C17orf78: variants seen among roughly 807,000 people sequenced by gnomAD.
C17orf78 encodes the protein uncharacterized protein C17orf78.
In C17orf78, 27 loss-of-function variants were observed where a neutral mutation model predicts 31.8. The observed-to-expected ratio is 0.85, with a 90% confidence interval of 0.63 to 1.17. The LOEUF is 1.17. C17orf78 is among the 50% of genes most tolerant of loss of function. The probability of loss-of-function intolerance (pLI) is 0.00; values close to 1 mark genes in which losing one functional copy is unlikely to be tolerated. For missense variants in C17orf78, 258 were observed against 315.2 expected (o/e 0.82, Z 1.37); for synonymous variants, 106 against 115.1 (o/e 0.92, Z 0.51).
chr17:37,377,590 G>T (rs1386112847), intron 1 of C17orf78, among the ~76,000 whole-genome samples: 1 of 151,940 alleles, frequency 6.6e-6, no homozygotes, highest in Non-Finnish European at 1.5e-5. Flanking sequence ...AACCCAGGAG[G>T]TGAATGTTGC....
chr17:37,378,465 C>T (rs1377502445), intron 2 of C17orf78, among the ~76,000 whole-genome samples: 4 of 152,220 alleles, frequency 2.6e-5, no homozygotes, highest in Admixed American at 6.5e-5. Context: ...GTAATCCCAG[C>T]ACTTTGGGAG....
chr17:37,382,996 C>A (rs557886965), intron 3 of C17orf78, among the ~76,000 whole-genome samples: 1 of 152,300 alleles, frequency 6.6e-6, no homozygotes, highest in East Asian at 1.9e-4. Context: ...AAGATCACAC[C>A]ACTGCATTCC....
chr17:37,380,175 A>G (rs1396344647), intron 3 of C17orf78, among the ~76,000 whole-genome samples: 4 of 151,496 alleles, frequency 2.6e-5, no homozygotes, highest in Non-Finnish European at 5.9e-5. Context: ...TATCACAAGA[A>G]CAAAAAACCA....
In C17orf78 at chr17:37,389,346, A is replaced by C. The variant is rs1177439368; in HGVS notation, c.734A>C (p.Asp245Ala). The C allele has an allele frequency of 1.9e-6, 3 of 1,587,824 alleles. No homozygotes were observed. Among genetic ancestry groups the C allele is most frequent in the South Asian group, 2.3e-5 (2 of 86,646 alleles). ...QPPGTAESKP[D>A]SQPQKVGQDA... ...CCTGGGACAGCTGAATCCAAGCCTG[A>C]CTCTCAGCCCCAGAAGGAAAGTGTT... Residue 245 changes from aspartate to alanine, a missense_variant, in exon 6 of 7, where the codon GAC becomes GCC. Physicochemically the swap from Asp to Ala is moderately radical, Grantham distance 126 (BLOSUM62 -2). Transcript: ENST00000615133.
chr17:37,388,656 C>T lies in C17orf78; in HGVS notation c.509-14C>T, dbSNP rs765417408. ...TTTTCTTTTCTCCCTCTTCCACTCC[C>T]CTCTCTCCTTTAGACACAGATGAGA... On this transcript the variant is annotated splice_polypyrimidine_tract_variant and intron_variant, in intron 4 of 6. Transcript: ENST00000615133. 1 of 1,610,298 alleles carries T rather than the reference C, an allele frequency of 6.2e-7. No individual in the cohort carries two copies. Among genetic ancestry groups the T allele is most frequent in the Admixed American group, 1.7e-5 (1 of 59,622 alleles).
chr17:37,379,152 C>T lies in C17orf78; in HGVS notation c.161C>T (p.Thr54Ile). 7 of 1,613,294 alleles carry T rather than the reference C, an allele frequency of 4.3e-6. No homozygotes were observed. The highest frequency in any genetic ancestry group is 4.2e-6 in the Non-Finnish European group (5 of 1,179,648). The change falls in exon 3 of 7, where the codon ACC (threonine) becomes ATC (isoleucine). Residue 54 changes from threonine (T) to isoleucine (I), a missense_variant. Physicochemically the swap from Thr to Ile is moderately conservative, Grantham distance 89 (BLOSUM62 -1). Coordinates refer to ENST00000615133, the MANE Select transcript of C17orf78 (RefSeq NM_173625.5). ...ELQMQETHTE[T>I]KRTTFIQNRT... is the part of the protein sequence containing the mutation. Reference sequence around the variant, plus strand: ...CTCCTTCCAGAAACTCACACAGAAACCAAAAGGACAACATTCATTCAAAAC... The same window carrying T: ...CTCCTTCCAGAAACTCACACAGAAATCAAAAGGACAACATTCATTCAAAAC...
At chr17:37,377,780 C>G in intron 1 of C17orf78, 99 bp from the exon 2 acceptor site, 3 of 894,674 alleles carry the variant, frequency 3.4e-6, no homozygotes, top group Non-Finnish European at 5.3e-6. Context: ...TCTTTCATAT[C>G]TTCTCCATTG....
rs2050917104 is a variant in C17orf78 at position 37,392,309 on chromosome 17, A to T, written c.*585A>T. The T allele has an allele frequency of 6.6e-6, 1 of 152,442 alleles. No homozygotes were observed. The highest frequency in any genetic ancestry group is 2.4e-5 in the African/African-American group (1 of 41,458). The allele number at this position is 152,442 out of a possible 1,614,324, so 9.4% of individuals were successfully genotyped here. A position where few individuals can be genotyped will look rare whatever the true frequency, so the allele number is the denominator to read the frequency against. The stretch of plus-strand genomic sequence containing the variant: ...GGTTCAGGGACTACAGACCATTAGT[A>T]CCCAAGTGAAGTCTTCTGACGATCC... On this transcript the variant is annotated 3_prime_UTR_variant, in exon 7 of 7. Coordinates refer to ENST00000615133, the MANE Select transcript of C17orf78 (RefSeq NM_173625.5).
intron 3 of C17orf78, among the ~76,000 whole-genome samples, chr17:37,381,282 T>G (rs905206227): frequency 3.9e-5 from 6 of 151,944 alleles, no homozygotes; most frequent in Admixed American, 6.6e-5. Flanking sequence ...TCCTCCCAGG[T>G]TCACGTGATT....
At chr17:37,377,548 T>A (rs910185208) in intron 1 of C17orf78, among the ~76,000 whole-genome samples, 11 of 151,982 alleles carry the variant, frequency 7.2e-5, no homozygotes, top group African/African-American at 2.7e-4. Context: ...TAATCCCAGC[T>A]ACTCGGGAGG....
In C17orf78 at chr17:37,379,392, G is replaced by A; in HGVS notation, c.391+10G>A. On this transcript the variant is annotated intron_variant, in intron 3 of 6. Coordinates refer to ENST00000615133, the MANE Select transcript of C17orf78 (RefSeq NM_173625.5). ...CTTCTAAAAGGCAAAGGTGAGATTG[G>A]AAAAGAGGAAGGGGGCAGGCACTAA... is the stretch of plus-strand genomic sequence containing the variant. The A allele has an allele frequency of 6.2e-7, 1 of 1,611,838 alleles. No individual in the cohort carries two copies. The highest frequency in any genetic ancestry group is 8.5e-7 in the Non-Finnish European group (1 of 1,178,738).
At chr17:37,378,896 T>C (rs918047492) in intron 2 of C17orf78, among the ~76,000 whole-genome samples, 1 of 151,898 alleles carries the variant, frequency 6.6e-6, no homozygotes, top group African/African-American at 2.4e-5. Context: ...ACCCTGTCTT[T>C]TAAAAAATTA....
chr17:37,377,811 G>A (rs1311385487), intron 1 of C17orf78, 68 bp from the exon 2 acceptor site: 30 of 1,268,616 alleles, frequency 2.4e-5, no homozygotes, highest in Non-Finnish European at 3.0e-5. Context: ...TAAAAAGTAA[G>A]TACCAGTAAA....
chr17:37,384,681 T>A (rs559771826), intron 3 of C17orf78, among the ~76,000 whole-genome samples: 1 of 152,360 alleles, frequency 6.6e-6, no homozygotes, highest in Admixed American at 6.5e-5. Context: ...AGCACTATGA[T>A]GAAAATGTTC....
intron 1 of C17orf78, among the ~76,000 whole-genome samples, chr17:37,376,683 G>A (rs1477090643): frequency 2.0e-5 from 3 of 152,124 alleles, no homozygotes; most frequent in Non-Finnish European, 2.9e-5. Flanking sequence ...GGCTGGGCAC[G>A]GTGGCTCATG....
chr17:37,392,526 G>A lies in C17orf78; in HGVS notation c.*802G>A, dbSNP rs1370030968. The A allele has an allele frequency of 1.3e-5, 2 of 152,134 alleles. No individual in the cohort carries two copies. Among genetic ancestry groups the A allele is most frequent in the Non-Finnish European group, 2.9e-5 (2 of 68,026 alleles). 9.4% of individuals were successfully genotyped at this position (152,134 alleles called of 1,614,324 possible). A position where few individuals can be genotyped will look rare whatever the true frequency, so the allele number is the denominator to read the frequency against. ...AACCACCTGATCTTGAATCAATGTT[G>A]AGGTGAAAAAGGAAATGTCAGGAGG... On this transcript the variant is annotated 3_prime_UTR_variant, in exon 7 of 7. Coordinates refer to ENST00000615133, the MANE Select transcript of C17orf78 (RefSeq NM_173625.5).
chr17:37,377,394 C>T (rs2050047620), intron 1 of C17orf78, among the ~76,000 whole-genome samples: 1 of 151,990 alleles, frequency 6.6e-6, no homozygotes. Context: ...CGTGGTGGCT[C>T]ACACCTGTCA....
chr17:37,390,990 C>T (rs908853814), intron 6 of C17orf78, among the ~76,000 whole-genome samples: 7 of 151,876 alleles, frequency 4.6e-5, no homozygotes, highest in African/African-American at 1.7e-4. Flanking sequence ...CCTGTAATCC[C>T]AGCACTTTGG....
chr17:37,376,621 T>C (rs1317693324), intron 1 of C17orf78, among the ~76,000 whole-genome samples: 1 of 152,202 alleles, frequency 6.6e-6, no homozygotes, highest in Non-Finnish European at 1.5e-5. Flanking sequence ...TTATTTAAAA[T>C]ATGAGTTTTC....
Sources: allele counts gnomAD v4.1 joint callset (sites outside exome capture counted in the v4.1 genomes callset), GRCh38; gene constraint gnomAD v4.1.1; transcripts MANE v1.5; gene names NCBI Gene and HGNC (gene_info 2026-07-23, HGNC 2026-07-21).